The following KLRG1 variants were observed in gnomAD, a reference collection of about 807,000 sequenced individuals.
KLRG1 encodes killer cell lectin like receptor G1, also known as killer cell lectin-like receptor subfamily G member 1.
In KLRG1, 16 loss-of-function variants were observed where a neutral mutation model predicts 21.8. The ratio of observed to expected loss-of-function variants is 0.73; its 90% CI spans 0.50 to 1.11. The LOEUF (loss-of-function observed/expected upper bound fraction) is 1.11. KLRG1 is among the 50% of genes most tolerant of loss of function. The probability of loss-of-function intolerance (pLI) is 0.00; values close to 1 mark genes in which losing one functional copy is unlikely to be tolerated. For missense variants in KLRG1, 173 were observed against 218.3 expected (o/e 0.79, Z 1.31); for synonymous variants, 69 against 75.9 (o/e 0.91, Z 0.47).
the KLRG1 span, chr12:9,069,073 C>T: frequency 2.6e-6 from 1 of 390,142 alleles, no homozygotes. Context: ...ATACATAGCT[C>T]TGTTCATGGG....
chr12:9,072,056 G>A, the KLRG1 span, among the ~76,000 whole-genome samples: 2 of 151,990 alleles, frequency 1.3e-5, no homozygotes, highest in African/African-American at 2.4e-5. Flanking sequence ...CTTCAATAAA[G>A]CAAGAATAAT....
the KLRG1 span, chr12:9,154,975 C>G: frequency 1.1e-6 from 1 of 879,418 alleles, no homozygotes; most frequent in South Asian, 1.8e-5. Flanking sequence ...TCATAAACTC[C>G]TAAAACTCAC....
the KLRG1 span, among the ~76,000 whole-genome samples, chr12:9,212,571 A>G: frequency 7.2e-5 from 11 of 152,354 alleles, no homozygotes; most frequent in East Asian, 1.2e-3. Flanking sequence ...CTGTCTATGC[A>G]AGATAATAGG....
At chr12:9,015,016 A>T (rs1354874362), downstream of KLRG1, among the ~76,000 whole-genome samples, 30 of 152,138 alleles carry the variant, frequency 2.0e-4, no homozygotes, top group Admixed American at 1.9e-3. Context: ...CAACAGATAC[A>T]CAAAAAATAA....
At chr12:9,094,374 T>TATATATATAC in the KLRG1 span, among the ~76,000 whole-genome samples, 2 of 139,638 alleles carry the variant, frequency 1.4e-5, no homozygotes, top group African/African-American at 5.3e-5. Context: ...TATATATATA[T>TATATATATAC]ACCTATACAT....
the KLRG1 span, among the ~76,000 whole-genome samples, chr12:9,144,661 G>A: frequency 4.6e-5 from 7 of 152,150 alleles, no homozygotes; most frequent in African/African-American, 1.4e-4. Flanking sequence ...AGTATTTAAG[G>A]GTTTTAGGGT....
At chr12:9,093,410 G>T in the KLRG1 span, 1 of 1,244,388 alleles carries the variant, frequency 8.0e-7, no homozygotes. Context: ...GCAAAGAGTT[G>T]AAAATAGTCA....
the KLRG1 span, chr12:9,072,288 T>G: frequency 6.4e-7 from 1 of 1,556,952 alleles, no homozygotes. Flanking sequence ...ACTGCTTTAC[T>G]TAAAGAGGAG....
chr12:9,007,596 C>T (rs772773691), intron 3 of KLRG1, among the ~76,000 whole-genome samples: 100 of 152,166 alleles, frequency 6.6e-4, no homozygotes, highest in African/African-American at 2.4e-3. Flanking sequence ...AAGAGCAACT[C>T]TTTATTTGTG....
chr12:9,196,486 A>G, the KLRG1 span: 1 of 1,575,490 alleles, frequency 6.3e-7, no homozygotes, highest in Non-Finnish European at 8.7e-7. Context: ...CTTTAGTCAT[A>G]AAATTTCTTT....
the KLRG1 span, chr12:9,074,458 A>C: frequency 2.6e-6 from 3 of 1,140,836 alleles, no homozygotes; most frequent in Non-Finnish European, 3.7e-6. Flanking sequence ...ATTTCAAGTT[A>C]CTGTCATCTG....
chr12:9,112,701 C>A, the KLRG1 span: 1 of 667,630 alleles, frequency 1.5e-6, no homozygotes, highest in Non-Finnish European at 2.5e-6. Flanking sequence ...TGCCATTTTA[C>A]AAATGGGGAG....
the KLRG1 span, among the ~76,000 whole-genome samples, chr12:9,121,875 A>T: frequency 6.6e-6 from 1 of 152,196 alleles, no homozygotes; most frequent in Non-Finnish European, 1.5e-5. This position sits in a 1 kb window ranked among gnomAD's most constrained non-coding sequence, Gnocchi z 4.4. Context: ...ATGCCAACTT[A>T]CCTTCTCACT....
the KLRG1 span, among the ~76,000 whole-genome samples, chr12:9,089,538 C>T: frequency 1.3e-5 from 2 of 152,074 alleles, no homozygotes; most frequent in Admixed American, 1.3e-4. Context: ...GCCAGGAGTT[C>T]GAGACCAGCC....
the KLRG1 span, chr12:9,160,106 C>G: frequency 7.4e-7 from 1 of 1,344,374 alleles, no homozygotes; most frequent in Admixed American, 1.9e-5. Context: ...TGCATCCAGG[C>G]GCCATGGACA....
At chr12:9,093,600 G>A in the KLRG1 span, 1 of 1,391,210 alleles carries the variant, frequency 7.2e-7, no homozygotes, top group Non-Finnish European at 9.8e-7. Flanking sequence ...TGAGGAAGAA[G>A]ACATTACAAT....
At chr12:9,163,793 A>T in the KLRG1 span, 1 of 1,610,298 alleles carries the variant, frequency 6.2e-7, no homozygotes, top group East Asian at 2.2e-5. Context: ...ACATTCCCTA[A>T]AACAAGGAAT....
chr12:9,092,053 C>T, the KLRG1 span, among the ~76,000 whole-genome samples: 5 of 152,166 alleles, frequency 3.3e-5, no homozygotes, highest in African/African-American at 2.4e-5. Flanking sequence ...GGAAGGGCTT[C>T]GTCTACCCAC....
At chr12:9,138,402 A>T in the KLRG1 span, among the ~76,000 whole-genome samples, 3 of 151,580 alleles carry the variant, frequency 2.0e-5, no homozygotes, top group Admixed American at 6.6e-5. Context: ...GTTGGATTCT[A>T]TTTCCTAATA....
Sources: allele counts gnomAD v4.1 joint callset (sites outside exome capture counted in the v4.1 genomes callset), GRCh38; gene constraint gnomAD v4.1.1; non-coding constraint Gnocchi (gnomAD v3.1); transcripts MANE v1.5; gene names NCBI Gene and HGNC (gene_info 2026-07-23, HGNC 2026-07-21).